The following CALN1 variants were observed in gnomAD, a reference collection of about 807,000 sequenced individuals.
CALN1 encodes the protein calneuron 1, also known as calcium-binding protein 8.
CALN1 carries 17 observed loss-of-function variants against 30.6 expected under a neutral mutation model. The observed-to-expected ratio is 0.56, with a 90% confidence interval of 0.38 to 0.83. The LOEUF (loss-of-function observed/expected upper bound fraction) is 0.83. Among genes scored for constraint, CALN1 ranks in the 40% least tolerant of loss-of-function variants. CALN1 has a pLI of 0.00. For missense variants in CALN1, 291 were observed against 354.9 expected, an observed-to-expected ratio of 0.82 and a Z score of 1.45; for synonymous variants, 156 against 131.4, an observed-to-expected ratio of 1.19 and a Z score of -1.28.
chr7:72,151,361 A>G (rs1051811387), intron 3 of CALN1, among the ~76,000 whole-genome samples: 1 of 151,976 alleles, frequency 6.6e-6, no homozygotes, highest in African/African-American at 2.4e-5. Context: ...TCTCTGTCCC[A>G]ATTTCCCCTT....
chr7:72,240,936 T>G (rs1410827400), intron 3 of CALN1, among the ~76,000 whole-genome samples: 1 of 152,210 alleles, frequency 6.6e-6, no homozygotes, highest in East Asian at 1.9e-4. Context: ...AAGCATTATT[T>G]GGCCTTCTGG....
chr7:72,009,927 T>A (rs931479317), intron 5 of CALN1, among the ~76,000 whole-genome samples: 6 of 152,204 alleles, frequency 3.9e-5, no homozygotes, highest in African/African-American at 1.4e-4. Flanking sequence ...GAAAACAGAC[T>A]AATACAGTAG....
At chr7:72,223,661 G>T (rs574771747) in intron 3 of CALN1, among the ~76,000 whole-genome samples, 1 of 152,070 alleles carries the variant, frequency 6.6e-6, no homozygotes, top group Admixed American at 6.6e-5. Context: ...AAAATAAATT[G>T]TTCTACCCAA....
At chr7:72,215,617 A>C (rs1338353534) in intron 3 of CALN1, among the ~76,000 whole-genome samples, 2 of 151,648 alleles carry the variant, frequency 1.3e-5, no homozygotes, top group East Asian at 1.9e-4. Context: ...AAAAAGGCAA[A>C]GGAGAAAAAA....
At chr7:72,305,282 G>A (rs1298273888) in intron 2 of CALN1, among the ~76,000 whole-genome samples, 2 of 152,192 alleles carry the variant, frequency 1.3e-5, no homozygotes, top group Non-Finnish European at 2.9e-5. Context: ...TGCCGGCGCT[G>A]GCCTGCCGAC....
At chr7:72,264,742 G>A (rs944630070) in intron 3 of CALN1, among the ~76,000 whole-genome samples, 8 of 152,224 alleles carry the variant, frequency 5.3e-5, no homozygotes, top group Admixed American at 5.2e-4. Context: ...GTAAACTTGT[G>A]TCATAGGGGT....
chr7:71,844,775 T>A (rs1479802618), intron 5 of CALN1, among the ~76,000 whole-genome samples: 2 of 152,192 alleles, frequency 1.3e-5, no homozygotes, highest in African/African-American at 4.8e-5. Context: ...AGAAATCACA[T>A]CTTCTACCAA....
intron 2 of CALN1, among the ~76,000 whole-genome samples, chr7:72,371,413 T>C (rs1457881887): frequency 6.6e-6 from 1 of 152,192 alleles, no homozygotes; most frequent in Non-Finnish European, 1.5e-5. Context: ...TGGGAGCACT[T>C]ACCCTCATGC....
intron 2 of CALN1, among the ~76,000 whole-genome samples, chr7:72,328,948 C>T (rs193177578): frequency 1.3e-5 from 2 of 152,366 alleles, no homozygotes; most frequent in East Asian, 1.9e-4. Context: ...CCAACCATCT[C>T]GGCCTCCCAA....
intron 3 of CALN1, among the ~76,000 whole-genome samples, chr7:72,135,363 G>A (rs983023636): frequency 4.6e-5 from 7 of 152,142 alleles, no homozygotes; most frequent in South Asian, 2.1e-4. Flanking sequence ...TATGAAATGC[G>A]TTTCTTAAAT....
chr7:72,383,449 TGAG>T (rs1482257913), intron 2 of CALN1, among the ~76,000 whole-genome samples: 3 of 152,196 alleles, frequency 2.0e-5, no homozygotes, highest in African/African-American at 7.2e-5. Context: ...TTAACTAGTG[TGAG>T]GAGGTATCTC....
the CALN1 span, among the ~76,000 whole-genome samples, chr7:72,462,002 C>T: frequency 5.4e-5 from 8 of 149,280 alleles, no homozygotes; most frequent in African/African-American, 2.0e-4. Context: ...AGACAGACTT[C>T]GTCTCAAAAA....
At chr7:72,488,362 T>A in the CALN1 span, among the ~76,000 whole-genome samples, 1 of 151,876 alleles carries the variant, frequency 6.6e-6, no homozygotes, top group African/African-American at 2.4e-5. Flanking sequence ...TAGAGCAAGA[T>A]CCTGTCTCAA....
At chr7:71,858,253 A>C (rs1343209091) in intron 5 of CALN1, among the ~76,000 whole-genome samples, 1 of 152,088 alleles carries the variant, frequency 6.6e-6, no homozygotes, top group Admixed American at 6.6e-5. Context: ...GTGAAGAAGG[A>C]CGTGTTTGCT....
At chr7:71,875,365 G>A (rs1355283773) in intron 5 of CALN1, among the ~76,000 whole-genome samples, 2 of 152,028 alleles carry the variant, frequency 1.3e-5, no homozygotes, top group Non-Finnish European at 2.9e-5. Context: ...AGGGAAACCT[G>A]GATTTCTAGG....
At chr7:72,232,661 T>C (rs550927464) in intron 3 of CALN1, among the ~76,000 whole-genome samples, 2 of 152,340 alleles carry the variant, frequency 1.3e-5, no homozygotes, top group Admixed American at 6.5e-5. Flanking sequence ...GGTTTCGCCA[T>C]GTTGGCCAGG....
intron 2 of CALN1, among the ~76,000 whole-genome samples, chr7:72,324,190 C>A (rs1191544404): frequency 6.6e-6 from 1 of 152,048 alleles, no homozygotes; most frequent in East Asian, 1.9e-4. Context: ...GTGATTAGAG[C>A]ATTGGAATTT....
intron 2 of CALN1, among the ~76,000 whole-genome samples, chr7:72,399,768 C>A (rs1806215233): frequency 6.6e-6 from 1 of 152,208 alleles, no homozygotes; most frequent in East Asian, 1.9e-4. Flanking sequence ...TTTGTCCCCT[C>A]CAAATCTCAT....
At chr7:72,257,352 T>G (rs922990644) in intron 3 of CALN1, among the ~76,000 whole-genome samples, 1 of 152,114 alleles carries the variant, frequency 6.6e-6, no homozygotes, top group Non-Finnish European at 1.5e-5. Flanking sequence ...ATGAGGACAC[T>G]GAGATGTGTG....
Sources: gnomAD v4.1 joint callset for allele counts (sites outside exome capture counted in the v4.1 genomes callset) on GRCh38, gnomAD v4.1.1 for gene constraint, MANE v1.5 for transcripts, NCBI Gene and HGNC (gene_info 2026-07-23, HGNC 2026-07-21) for gene names.